ITPR1: variants seen among roughly 807,000 people sequenced by gnomAD.
ITPR1 encodes the protein inositol 1,4,5-trisphosphate receptor type 1.
A neutral mutation model predicts 318.4 loss-of-function variants in ITPR1; 96 were observed. The ratio of observed to expected loss-of-function variants is 0.30; its 90% CI spans 0.26 to 0.36. The LOEUF (loss-of-function observed/expected upper bound fraction) is 0.36. Among genes scored for constraint, ITPR1 ranks in the 10% least tolerant of loss-of-function variants. The probability of loss-of-function intolerance (pLI) is 1.00; values close to 1 mark genes in which losing one functional copy is unlikely to be tolerated. For missense variants in ITPR1, 2,440 were observed against 3,460.2 expected (o/e 0.71, Z 7.40); for synonymous variants, 1,312 against 1,289.9 (o/e 1.02, Z -0.37).
intron 4 of ITPR1, among the ~76,000 whole-genome samples, chr3:4,610,041 T>A (rs1409296231): frequency 1.3e-5 from 2 of 152,064 alleles, no homozygotes; most frequent in African/African-American, 4.8e-5. Flanking sequence ...TATCAAGAAG[T>A]CTGGCCCACT....
At chr3:4,642,287 G>T (rs2093355162) in intron 7 of ITPR1, 36 bp downstream of exon 7, 1 of 1,468,776 alleles carries the variant, frequency 6.8e-7, no homozygotes. Flanking sequence ...AGTCTTCCGT[G>T]CCATGCTTCC....
At chr3:4,542,620 A>G (rs896666902) in intron 4 of ITPR1, among the ~76,000 whole-genome samples, 1 of 131,168 alleles carries the variant, frequency 7.6e-6, no homozygotes, top group African/African-American at 2.8e-5. Flanking sequence ...TTGCCTTCCT[A>G]TTTTTAGGGT....
At chr3:4,576,719 C>T (rs549684209) in intron 4 of ITPR1, among the ~76,000 whole-genome samples, 6 of 152,228 alleles carry the variant, frequency 3.9e-5, no homozygotes, top group South Asian at 4.1e-4. Context: ...TCCTTCAGAA[C>T]GAAGTCAATA....
intron 36 of ITPR1, among the ~76,000 whole-genome samples, chr3:4,705,616 C>A (rs2094740801): frequency 6.6e-6 from 1 of 152,168 alleles, no homozygotes; most frequent in African/African-American, 2.4e-5. Context: ...GAGTGTCTCC[C>A]ATTATGGGTT....
intron 44 of ITPR1, among the ~76,000 whole-genome samples, chr3:4,745,786 G>T (rs1350268315): frequency 1.3e-5 from 2 of 152,130 alleles, no homozygotes; most frequent in African/African-American, 4.8e-5. Context: ...TTAGCTATAA[G>T]TTAGCAGGAC....
rs759411779 is a variant in ITPR1 at position 4,735,192 on chromosome 3, C to G, written c.5382C>G (p.Ser1794Arg). The change falls in exon 44 of 62, where the codon AGC becomes AGG. Residue 1794 changes from serine (S) to arginine (R), a missense_variant. Ser to Arg is a moderately radical substitution (Grantham distance 110). Coordinates refer to ENST00000649015, the MANE Select transcript of ITPR1 (RefSeq NM_001378452.1). ...GAGGTTCCGGATCCAGCTCTATGAG[C>G]AGGGGTGAGATGAGTCTGGCCGAGG... ...GGGGSGSSSM[S>R]RGEMSLAEVQ... The G allele has an allele frequency of 8.1e-6, 13 of 1,613,752 alleles. No individual in the cohort carries two copies. Among genetic ancestry groups the G allele is most frequent in the African/African-American group, 1.3e-5 (1 of 74,926 alleles).
intron 41 of ITPR1, among the ~76,000 whole-genome samples, chr3:4,726,440 T>G (rs529854692): frequency 6.6e-6 from 1 of 152,298 alleles, no homozygotes; most frequent in East Asian, 1.9e-4. Flanking sequence ...AGAAGCTTTT[T>G]GGGGAGACAT....
At chr3:4,587,142 T>C (rs768548321) in intron 4 of ITPR1, among the ~76,000 whole-genome samples, 2 of 152,172 alleles carry the variant, frequency 1.3e-5, no homozygotes, top group African/African-American at 2.4e-5. Flanking sequence ...ACTTTGCAGG[T>C]GTACTGTGTG....
chr3:4,658,319 G>C (rs955502704), intron 13 of ITPR1, 41 bp downstream of exon 13: 1 of 1,548,112 alleles, frequency 6.5e-7, no homozygotes, highest in Non-Finnish European at 8.8e-7. Context: ...AATCAGGCCT[G>C]GTGTAGGTGG....
intron 60 of ITPR1, among the ~76,000 whole-genome samples, chr3:4,829,138 G>A (rs536690282): frequency 6.6e-6 from 1 of 152,296 alleles, no homozygotes; most frequent in South Asian, 2.1e-4. Context: ...CAGTGAGGTA[G>A]CTGGTGAGGT....
intron 4 of ITPR1, among the ~76,000 whole-genome samples, chr3:4,540,051 T>TA (rs1341970594): frequency 1.3e-5 from 2 of 151,826 alleles, no homozygotes; most frequent in Non-Finnish European, 2.9e-5. Flanking sequence ...TTAAAAGGGT[T>TA]AAAAAAATTC....
intron 56 of ITPR1, among the ~76,000 whole-genome samples, chr3:4,812,446 A>T (rs1575344805): frequency 6.6e-6 from 1 of 152,166 alleles, no homozygotes; most frequent in African/African-American, 2.4e-5. Context: ...TACTATATGC[A>T]GGTTTTACAG....
At chr3:4,663,782 T>C (rs1358689997) in intron 16 of ITPR1, among the ~76,000 whole-genome samples, 1 of 152,240 alleles carries the variant, frequency 6.6e-6, no homozygotes, top group Non-Finnish European at 1.5e-5. Flanking sequence ...TTCACTGCCC[T>C]GAAATCATCT....
intron 40 of ITPR1, among the ~76,000 whole-genome samples, chr3:4,723,832 T>C (rs1348722971): frequency 6.6e-6 from 1 of 152,122 alleles, no homozygotes; most frequent in Non-Finnish European, 1.5e-5. Flanking sequence ...ATGCAAATAG[T>C]AGAATATAAT....
At position 4,683,617 on chromosome 3, in the gene ITPR1, C is replaced by T. The variant is rs190319212; in HGVS notation, c.3328-11C>T. 42 of 1,614,024 alleles carry T rather than the reference C, an allele frequency of 2.6e-5. No individual in the cohort carries two copies. Among genetic ancestry groups the T allele is most frequent in the Non-Finnish European group, 3.1e-5 (36 of 1,179,886 alleles). ...GCTGTTGTGTGCACCTAACGGATTG[C>T]GTTCATTAAGGTTCAACTGCTGGTT... is the stretch of plus-strand genomic sequence containing the variant. On this transcript the variant is annotated splice_polypyrimidine_tract_variant and intron_variant, in intron 27 of 61. Coordinates refer to ENST00000649015, the MANE Select transcript of ITPR1 (RefSeq NM_001378452.1).
chr3:4,724,839 G>C (rs2042395573), intron 40 of ITPR1, among the ~76,000 whole-genome samples: 1 of 152,162 alleles, frequency 6.6e-6, no homozygotes, highest in Non-Finnish European at 1.5e-5. Flanking sequence ...AATCAAGGGG[G>C]AGGGTGGTAT....
intron 54 of ITPR1, among the ~76,000 whole-genome samples, chr3:4,801,805 AAAAG>A (rs1367931535): frequency 3.3e-5 from 5 of 152,174 alleles, no homozygotes; most frequent in Non-Finnish European, 7.3e-5. Flanking sequence ...ATTTTTAAAA[AAAAG>A]GGAATGGAGA....
intron 1 of ITPR1, among the ~76,000 whole-genome samples, chr3:4,494,038 A>T (rs1449134667): frequency 1.3e-5 from 2 of 152,182 alleles, no homozygotes; most frequent in Non-Finnish European, 2.9e-5. Flanking sequence ...GAGGGTTTTT[A>T]AAAACGGAAG....
chr3:4,791,709 A>C (rs1283161618), intron 52 of ITPR1, among the ~76,000 whole-genome samples: 2 of 152,180 alleles, frequency 1.3e-5, no homozygotes, highest in Non-Finnish European at 2.9e-5. Context: ...GCATATTTTT[A>C]AGTGGCTGCA....
Sources: allele counts gnomAD v4.1 joint callset (sites outside exome capture counted in the v4.1 genomes callset), GRCh38; gene constraint gnomAD v4.1.1; transcripts MANE v1.5; gene names NCBI Gene and HGNC (gene_info 2026-07-23, HGNC 2026-07-21).